Variants in ARHGEF10L observed in about 807,000 individuals in gnomAD.
ARHGEF10L encodes the protein Rho guanine nucleotide exchange factor 10 like, also known as rho guanine nucleotide exchange factor 10-like protein.
ARHGEF10L carries 69 observed loss-of-function variants against 141.2 expected under a neutral mutation model. The observed-to-expected ratio is 0.49, with a 90% CI of 0.40 to 0.60. The LOEUF is 0.60. Among genes scored for constraint, ARHGEF10L ranks in the 20% least tolerant of loss-of-function variants. ARHGEF10L has a pLI of 0.00. For missense variants in ARHGEF10L, 1,482 were observed against 1,734.3 expected, an observed-to-expected ratio of 0.85 and a Z score of 2.58; for synonymous variants, 711 against 718.5, an observed-to-expected ratio of 0.99 and a Z score of 0.17.
At chr1:17,550,626 A>G (rs2077077088) in intron 1 of ARHGEF10L, among the ~76,000 whole-genome samples, 1 of 147,192 alleles carries the variant, frequency 6.8e-6, no homozygotes, top group African/African-American at 2.5e-5. Flanking sequence ...GTGGGCAACG[A>G]GAGTGAAACT....
intron 1 of ARHGEF10L, among the ~76,000 whole-genome samples, chr1:17,555,264 T>C (rs2077263503): frequency 6.6e-6 from 1 of 152,018 alleles, no homozygotes; most frequent in Admixed American, 6.6e-5. Context: ...CTTTTTTTTT[T>C]CTCCCAATGA....
At chr1:17,622,514 A>G (rs150701867) in intron 11 of ARHGEF10L, among the ~76,000 whole-genome samples, 2 of 152,218 alleles carry the variant, frequency 1.3e-5, no homozygotes, top group African/African-American at 4.8e-5. Context: ...AGGGTGGGGA[A>G]TTGTTGCTAA....
chr1:17,573,585 G>A lies in ARHGEF10L; in HGVS notation c.-43-6968G>A, dbSNP rs1042328551. On this transcript the variant is annotated intron_variant, in intron 1 of 28. Transcript: ENST00000361221. The surrounding 1 kb of genome is among the most constrained non-coding windows in gnomAD (Gnocchi z 4.8). The stretch of plus-strand genomic sequence containing the variant: ...TGTCTGGGGGCTGGGAGGGAAGGAG[G>A]AAGAGCAGGAGGAGGAGGTAGAGGA... Among the ~76,000 whole-genome samples, 2 of 152,128 alleles carry A rather than the reference G, an allele frequency of 1.3e-5. No homozygotes were observed. The highest frequency in any genetic ancestry group is 2.9e-5 in the Non-Finnish European group (2 of 68,012).
At chr1:17,682,599 G>A (rs894482195) in intron 26 of ARHGEF10L, among the ~76,000 whole-genome samples, 1 of 152,174 alleles carries the variant, frequency 6.6e-6, no homozygotes, top group Admixed American at 6.5e-5. Context: ...GTAGCCTGAG[G>A]GGCATTGTTT....
In ARHGEF10L at chr1:17,675,114, C is replaced by G. The variant is rs1403558930; in HGVS notation, c.3009+10519C>G. ...GGAAACCCCAACTCTCCCACTCCCCCTCCCCAGCCCTACCTGTTCTGGGTT... is the reference window on the plus strand; with the variant it reads ...GGAAACCCCAACTCTCCCACTCCCCGTCCCCAGCCCTACCTGTTCTGGGTT... On this transcript the variant is annotated intron_variant, in intron 26 of 28. Transcript: ENST00000361221. Among the ~76,000 whole-genome samples the G allele has an allele frequency of 3.3e-5, 5 of 152,206 alleles. No individual in the cohort carries two copies. The East Asian group carries it at 5.8e-4, about 18-fold the overall frequency.
At chr1:17,645,348 G>A (rs761400467) in intron 21 of ARHGEF10L, among the ~76,000 whole-genome samples, 1 of 152,068 alleles carries the variant, frequency 6.6e-6, no homozygotes, top group Non-Finnish European at 1.5e-5. Context: ...GGCAGGGAAG[G>A]CACCATCTGG....
chr1:17,674,425 A>G (rs1231737680), intron 26 of ARHGEF10L, among the ~76,000 whole-genome samples: 1 of 152,216 alleles, frequency 6.6e-6, no homozygotes, highest in Non-Finnish European at 1.5e-5. Context: ...AGGTGCCCCA[A>G]TGAGGGAGTC....
the ARHGEF10L span, among the ~76,000 whole-genome samples, chr1:17,513,703 A>G: frequency 6.6e-6 from 1 of 152,180 alleles, no homozygotes; most frequent in Admixed American, 6.6e-5. Flanking sequence ...GGGGTATCCA[A>G]TTGGAGGTAT....
chr1:17,525,213 A>G, the ARHGEF10L span, among the ~76,000 whole-genome samples: 3 of 152,178 alleles, frequency 2.0e-5, no homozygotes, highest in Non-Finnish European at 2.9e-5. Context: ...AGCGGGGTTA[A>G]GTAGTGCCCC....
chr1:17,662,091 AAG>A lies in ARHGEF10L; in HGVS notation c.2861-2353_2861-2352del, dbSNP rs2062667303. The stretch of plus-strand genomic sequence containing the variant: ...GTTGTGGCAAATGGCATCAAACAGT[AAG>A]AGCCACGGACACAGACTCCTCTGTA... On this transcript the variant is annotated intron_variant, in intron 25 of 28. Coordinates refer to ENST00000361221, the MANE Select transcript of ARHGEF10L (RefSeq NM_018125.4). Among the ~76,000 whole-genome samples the A allele has an allele frequency of 2.0e-5, 3 of 152,210 alleles. No homozygotes were observed. In the South Asian group the frequency reaches 6.2e-4, roughly 32 times the overall value.
chr1:17,680,308 C>T lies in ARHGEF10L; in HGVS notation c.3010-7265C>T, dbSNP rs559037866. Among the ~76,000 whole-genome samples, 172 of 152,352 alleles carry T rather than the reference C, an allele frequency of 1.1e-3. 1 individual carries two copies. Among genetic ancestry groups the T allele is most frequent in the Middle Eastern group, 6.8e-3 (2 of 294 alleles). On this transcript the variant is annotated intron_variant, in intron 26 of 28. Transcript: ENST00000361221. ...GAGCCCCTGTGCCCAGCGAGCCTTC[C>T]GGCCCCTTGGCGACATCTCAGCTCT...
intron 9 of ARHGEF10L, among the ~76,000 whole-genome samples, chr1:17,616,540 C>G (rs2059817176): frequency 6.6e-6 from 1 of 152,212 alleles, no homozygotes; most frequent in Admixed American, 6.5e-5. Context: ...TCCCTCCTTC[C>G]TTTATCCATC....
chr1:17,696,985 G>C lies in ARHGEF10L; in HGVS notation c.3445G>C (p.Asp1149His). ...EGPRAEEDKPDGQAHEPMPDS... is the reference protein window; with the variant it reads ...EGPRAEEDKPHGQAHEPMPDS... The stretch of plus-strand genomic sequence containing the variant: ...GCCCCGGGCTGAGGAGGACAAGCCA[G>C]ACGGGCAGGCACACGAGCCCATGCC... Residue 1149 changes from aspartate (D) to histidine (H), a missense_variant, in exon 29 of 29, where the codon GAC becomes CAC. Asp to His is a moderately conservative substitution (Grantham distance 81, BLOSUM62 -1). This residue lies in a region of ARHGEF10L where 858 missense variants were observed against 966.3 expected (regional missense o/e 0.89). Transcript: ENST00000361221. The C allele has an allele frequency of 6.2e-7, 1 of 1,611,850 alleles. No individual in the cohort carries two copies. Among genetic ancestry groups the C allele is most frequent in the Non-Finnish European group, 8.5e-7 (1 of 1,179,552 alleles).
chr1:17,541,497 C>T (rs532004503), intron 1 of ARHGEF10L, among the ~76,000 whole-genome samples: 3 of 152,276 alleles, frequency 2.0e-5, no homozygotes, highest in South Asian at 2.1e-4. Flanking sequence ...TGGGGAGGGG[C>T]GAAAGCTGGT....
At chr1:17,650,030 C>T (rs913103405) in intron 22 of ARHGEF10L, among the ~76,000 whole-genome samples, 2 of 152,130 alleles carry the variant, frequency 1.3e-5, no homozygotes, top group African/African-American at 4.8e-5. Flanking sequence ...CAGATGTTTC[C>T]CAAGCTAGGG....
intron 1 of ARHGEF10L, among the ~76,000 whole-genome samples, chr1:17,562,306 A>G (rs111507074): frequency 0.11 from 16,215 of 152,210 alleles, 993 homozygotes; most frequent in Middle Eastern, 0.18. Context: ...AGTCCTAGCT[A>G]CTCAGGAGGC....
At chr1:17,650,933 G>A (rs1393177621) in intron 22 of ARHGEF10L, among the ~76,000 whole-genome samples, 1 of 152,236 alleles carries the variant, frequency 6.6e-6, no homozygotes, top group South Asian at 2.1e-4. Flanking sequence ...AATGCAGTGC[G>A]TAAATATAAT....
chr1:17,588,902 TGGGGGAG>T (rs2079286034), intron 4 of ARHGEF10L, among the ~76,000 whole-genome samples: 8 of 1,944 alleles, frequency 4.1e-3, no homozygotes, highest in Admixed American at 0.018. Flanking sequence ...GTGTGTGTAG[TGGGGGAG>T]GTTGGGGGGG....
rs763919422 is a variant in ARHGEF10L, at chr1:17,613,143, T to C, written c.695T>C (p.Met232Thr). ...ILALRVGGRD[M>T]QELKHKYDCK... Reference sequence around the variant, plus strand: ...GCTTTGAGAGTTGGGGGGAGAGACATGCAGGAGCTGAAGCACAAGTACGAT... The same window carrying C: ...GCTTTGAGAGTTGGGGGGAGAGACACGCAGGAGCTGAAGCACAAGTACGAT... Residue 232 changes from methionine (M) to threonine (T), a missense_variant, in exon 8 of 29, where the codon ATG (methionine) becomes ACG (threonine). By Grantham distance (81) the Met-to-Thr change is moderately conservative (BLOSUM62 -1). Around this residue, in one of 3 missense-constraint regions of ARHGEF10L, gnomAD observed 392 missense variants for 542.1 expected, o/e 0.72. Transcript: ENST00000361221. The C allele has an allele frequency of 2.0e-5, 33 of 1,613,840 alleles. No individual in the cohort carries two copies. Among genetic ancestry groups the C allele is most frequent in the Non-Finnish European group, 2.8e-5 (33 of 1,179,876 alleles).
Sources: allele counts gnomAD v4.1 joint callset (sites outside exome capture counted in the v4.1 genomes callset), GRCh38; gene constraint gnomAD v4.1.1; regional missense constraint gnomAD v4.1.1; non-coding constraint Gnocchi (gnomAD v3.1); transcripts MANE v1.5; gene names NCBI Gene and HGNC (gene_info 2026-07-23, HGNC 2026-07-21).